The following ZNF44 variants were observed in gnomAD, a reference collection of about 807,000 sequenced individuals.
ZNF44 encodes gonadotropin inducible transcription repressor-2.
A neutral mutation model predicts 11.7 loss-of-function variants in ZNF44; 9 were observed. The observed-to-expected ratio is 0.77, with a 90% CI of 0.46 to 1.35. The LOEUF is 1.35. Among genes scored for constraint, ZNF44 ranks in the 40% most tolerant of loss-of-function variants. The pLI is 0.00. For missense variants in ZNF44, 696 were observed against 743.1 expected (o/e 0.94, Z 0.74); for synonymous variants, 224 against 242.7 (o/e 0.92, Z 0.72).
At chr19:12,250,141 T>C in intron 6 of ZNF44, 1 of 1,251,776 alleles carries the variant, frequency 8.0e-7, no homozygotes, top group Non-Finnish European at 1.0e-6. Flanking sequence ...TACAAAAGAA[T>C]TTTGCCTTTT....
At chr19:12,252,551 C>T (rs547019135) in intron 5 of ZNF44, among the ~76,000 whole-genome samples, 1 of 152,200 alleles carries the variant, frequency 6.6e-6, no homozygotes, top group African/African-American at 2.4e-5. Context: ...GTAATAATAG[C>T]TACAACATAT....
rs1966960937 is a variant in ZNF44 at position 12,271,907 on chromosome 19, T to C, written c.*500A>G. 6.6e-6 allele frequency: 1 copy of C among 152,310 alleles called. No individual in the cohort carries two copies. The highest frequency in any genetic ancestry group is 1.5e-5 in the Non-Finnish European group (1 of 68,156). The allele number at this position is 152,310 out of a possible 1,614,324, so 9.4% of individuals were successfully genotyped here. A position where few individuals can be genotyped will look rare whatever the true frequency, so the allele number is the denominator to read the frequency against. On this transcript the variant is annotated 3_prime_UTR_variant, in exon 4 of 4. Coordinates refer to ENST00000355684, the MANE Select transcript of ZNF44 (RefSeq NM_016264.4). Reference sequence around the variant, plus strand: ...CGAATATTCCATTTTATAAAAGAGCTGGCATCTGTGGATTTAGGTATACTC... The same window carrying C: ...CGAATATTCCATTTTATAAAAGAGCCGGCATCTGTGGATTTAGGTATACTC...
At position 12,273,912 on chromosome 19, in the gene ZNF44, G is replaced by A. The variant is rs1967096916; in HGVS notation, c.343C>T (p.His115Tyr). 1 of 1,614,114 alleles carries A rather than the reference G, an allele frequency of 6.2e-7. No individual in the cohort carries two copies. The highest frequency in any genetic ancestry group is 2.2e-5 in the East Asian group (1 of 44,874). ...SSVNGEVIMG[H>Y]SSLNCYIRVD... ...CTGATGTAGCAATTCAGGGATGAAT[G>A]ACCCATTATGACTTCTCCATTCACA... The change falls in exon 4 of 4, where the codon CAT (histidine) becomes TAT (tyrosine). Residue 115 changes from histidine to tyrosine, a missense_variant. Transcript: ENST00000355684.
intron 5 of ZNF44, among the ~76,000 whole-genome samples, chr19:12,256,165 C>T (rs2863682): frequency 0.056 from 8,532 of 151,864 alleles, 808 homozygotes; most frequent in African/African-American, 0.2. Context: ...TGGGCCAACC[C>T]GCAAGTCACA....
At chr19:12,278,251 C>G (rs1379771821) in intron 1 of ZNF44, among the ~76,000 whole-genome samples, 1 of 152,222 alleles carries the variant, frequency 6.6e-6, no homozygotes, top group East Asian at 1.9e-4. Flanking sequence ...GATAACTAGC[C>G]AGAGCCCTTC....
Position 12,287,323 on chromosome 19 carries a change from T to C in ZNF44, c.3+7369A>G, listed in dbSNP as rs140281946. Reference sequence around the variant, plus strand: ...TCCGCCTCCTGGGTTCAAGGGATTCTCCTGCCTCAGCCTCCCGAGTAGCTG... The same window carrying C: ...TCCGCCTCCTGGGTTCAAGGGATTCCCCTGCCTCAGCCTCCCGAGTAGCTG... On this transcript the variant is annotated intron_variant, in intron 1 of 3. Transcript: ENST00000355684. 3.6e-3 allele frequency among the ~76,000 whole-genome samples: 552 copies of C among 152,150 alleles called. 4 individuals are homozygous for C. Among genetic ancestry groups the C allele is most frequent in the African/African-American group, 0.013 (542 of 41,502 alleles).
intron 3 of ZNF44, among the ~76,000 whole-genome samples, chr19:12,227,665 C>A (rs1365687005): frequency 6.6e-6 from 1 of 152,182 alleles, no homozygotes; most frequent in African/African-American, 2.4e-5. Context: ...ATATCTGTTA[C>A]CTTTGTGGCA....
intron 1 of ZNF44, among the ~76,000 whole-genome samples, chr19:12,287,885 T>C (rs1402221197): frequency 6.6e-6 from 1 of 152,218 alleles, no homozygotes; most frequent in Non-Finnish European, 1.5e-5. Context: ...ATTAACTAAC[T>C]GGAAACTGAA....
downstream of ZNF44, among the ~76,000 whole-genome samples, chr19:12,243,039 A>C (rs1916672275): frequency 6.6e-6 from 1 of 152,196 alleles, no homozygotes; most frequent in Non-Finnish European, 1.5e-5. Context: ...GTCATGCAAG[A>C]ACACACAGAA....
Position 12,273,450 on chromosome 19 carries a change from G to T in ZNF44, c.805C>A (p.Leu269Ile), listed in dbSNP as rs560559770. The T allele has an allele frequency of 3.1e-6, 5 of 1,614,128 alleles. No homozygotes were observed. In the African/African-American group the frequency reaches 6.7e-5, roughly 22 times the overall value. Residue 269 changes from leucine (L) to isoleucine (I), a missense_variant, in exon 4 of 4, where the codon CTA becomes ATA. Leu to Ile is a conservative substitution (Grantham distance 5). Transcript: ENST00000355684. ...SKAFPDYSSY[L>I]RHERTHTGEK... is the part of the protein sequence containing the mutation. ...CCAGTGTGAGTTCTTTCATGTCTTA[G>T]ATATGAACTGTAATCAGGGAAGGCT...
rs1967000833 is a variant in ZNF44, at chr19:12,272,658, C to A, written c.1597G>T (p.Glu533Ter). The A allele has an allele frequency of 3.7e-6, 6 of 1,613,730 alleles. No individual in the cohort carries two copies. Among genetic ancestry groups the A allele is most frequent in the Non-Finnish European group, 5.1e-6 (6 of 1,179,866 alleles). The change falls in exon 4 of 4, where the codon GAA (glutamate) becomes TAA (stop). Residue 533 changes from glutamate (E) to a stop codon, truncating the protein, a stop_gained. Transcript: ENST00000355684. LOFTEE classifies it low-confidence loss of function (END_TRUNC). ...AATGCTTTCCTGCATTGCTTACATT[C>A]ATATGGCTTCTCTGCCGTGTGAGTC... ...ERTHTAEKPY[E>*]CKQCRKAFFW...
At chr19:12,285,974 A>G (rs1967724473) in intron 1 of ZNF44, among the ~76,000 whole-genome samples, 1 of 151,676 alleles carries the variant, frequency 6.6e-6, no homozygotes, top group African/African-American at 2.4e-5. Context: ...AGCCGAGATC[A>G]CGCCACTGCA....
chr19:12,259,186 T>C (rs1917394941), intron 5 of ZNF44, among the ~76,000 whole-genome samples: 1 of 152,156 alleles, frequency 6.6e-6, no homozygotes, highest in Non-Finnish European at 1.5e-5. Flanking sequence ...TATGTGATAT[T>C]TTAAGACAAT....
At chr19:12,268,141 C>CAG (rs1486279525), downstream of ZNF44, among the ~76,000 whole-genome samples, 50 of 128,976 alleles carry the variant, frequency 3.9e-4, no homozygotes, top group African/African-American at 1.4e-3. Flanking sequence ...TACACACACA[C>CAG]ACAGACACAC....
chr19:12,269,638 C>T (rs1028863930), downstream of ZNF44, among the ~76,000 whole-genome samples: 9 of 152,234 alleles, frequency 5.9e-5, no homozygotes, highest in South Asian at 1.4e-3. Flanking sequence ...GCTGGAATTA[C>T]AGATGTTGTG....
Position 12,273,614 on chromosome 19 carries a change from A to G in ZNF44, c.641T>C (p.Met214Thr). 2 of 1,614,104 alleles carry G rather than the reference A, an allele frequency of 1.2e-6. No individual in the cohort carries two copies. The highest frequency in any genetic ancestry group is 2.2e-5 in the East Asian group (1 of 44,876). The change falls in exon 4 of 4, where the codon ATG becomes ACG. Residue 214 changes from methionine (M) to threonine (T), a missense_variant. By Grantham distance (81) the Met-to-Thr change is moderately conservative. Coordinates refer to ENST00000355684, the MANE Select transcript of ZNF44 (RefSeq NM_016264.4). ...KAFFWPSLLR[M>T]HERTHTGEKP... ...CTCTCCAGTGTGAGTTCTTTCATGCATACGTAATAAACTGGGCCAAAAAAA... is the reference window on the plus strand; with the variant it reads ...CTCTCCAGTGTGAGTTCTTTCATGCGTACGTAATAAACTGGGCCAAAAAAA...
chr19:12,288,610 C>T (rs1487366281), intron 1 of ZNF44, among the ~76,000 whole-genome samples: 1 of 151,144 alleles, frequency 6.6e-6, no homozygotes, highest in East Asian at 1.9e-4. Flanking sequence ...GGCATAGTTG[C>T]ACACGCCAGT....
chr19:12,294,679 C>T lies in ZNF44; in HGVS notation c.3+13G>A. On this transcript the variant is annotated intron_variant, in intron 1 of 3. Coordinates refer to ENST00000355684, the MANE Select transcript of ZNF44 (RefSeq NM_016264.4). ...TTCGCCCTGCCTCAGGACGCCGGGC[C>T]CCGCACACTCACCATTTCCCGGCTG... 6.4e-7 allele frequency: 1 copy of T among 1,560,946 alleles called. No homozygotes were observed. The highest frequency in any genetic ancestry group is 1.4e-5 in the African/African-American group (1 of 73,144).
At chr19:12,277,725 C>T (rs985838752) in intron 1 of ZNF44, among the ~76,000 whole-genome samples, 1 of 152,094 alleles carries the variant, frequency 6.6e-6, no homozygotes, top group African/African-American at 2.4e-5. Flanking sequence ...AGCAGAGTTC[C>T]CAGTGTAGAA....
Sources: gnomAD v4.1 joint callset for allele counts (sites outside exome capture counted in the v4.1 genomes callset) on GRCh38, gnomAD v4.1.1 for gene constraint, MANE v1.5 for transcripts, NCBI Gene and HGNC (gene_info 2026-07-23, HGNC 2026-07-21) for gene names.